The following CFAP97 variants were observed in gnomAD, a reference collection of about 807,000 sequenced individuals.
The protein encoded by CFAP97 is cilia and flagella associated protein 97.
Under a neutral mutation model 43.1 loss-of-function variants are expected in CFAP97, and 36 were observed. That is an observed-to-expected ratio of 0.84 (90% CI 0.64 to 1.10). CFAP97 has a LOEUF of 1.10. Among genes scored for constraint, CFAP97 ranks in the 50% least tolerant of loss-of-function variants. The pLI, the probability that CFAP97 is intolerant of heterozygous loss-of-function variation, is 0.00. For synonymous variants in CFAP97, 228 were observed against 225.7 expected (o/e 1.01, Z -0.09); for missense variants, 657 against 620.3 (o/e 1.06, Z -0.63).
intron 1 of CFAP97, 51 bp downstream of exon 1, chr4:185,203,847 T>G: frequency 6.6e-6 from 1 of 151,746 alleles, no homozygotes; most frequent in East Asian, 1.9e-4. Context: ...GAAAGGAGCG[T>G]GGCGGGCGCC....
At chr4:185,207,115 G>A (rs1248141775), upstream of CFAP97, among the ~76,000 whole-genome samples, 2 of 151,800 alleles carry the variant, frequency 1.3e-5, no homozygotes, top group Non-Finnish European at 2.9e-5. Context: ...TGACCCAGGG[G>A]CAATCTTCTT....
At chr4:185,175,695 A>G (rs1026335976) in intron 3 of CFAP97, 91 bp downstream of exon 3, 1 of 1,201,774 alleles carries the variant, frequency 8.3e-7, no homozygotes, top group Non-Finnish European at 1.2e-6. Context: ...TGAAGTTTGA[A>G]TATTTGGCTG....
upstream of CFAP97, among the ~76,000 whole-genome samples, chr4:185,204,842 C>T (rs919772883): frequency 6.6e-6 from 1 of 152,236 alleles, no homozygotes; most frequent in South Asian, 2.1e-4. Flanking sequence ...GAAACGGATT[C>T]TCTCCTGAAA....
upstream of CFAP97, among the ~76,000 whole-genome samples, chr4:185,208,756 T>A (rs1366604559): frequency 6.6e-6 from 1 of 151,562 alleles, no homozygotes; most frequent in Non-Finnish European, 1.5e-5. Flanking sequence ...AAAGAAAGAA[T>A]GAAATGCCCA....
intron 1 of CFAP97, among the ~76,000 whole-genome samples, chr4:185,192,622 T>C (rs923674402): frequency 7.9e-5 from 3 of 37,792 alleles, no homozygotes; most frequent in Admixed American, 3.0e-4. Flanking sequence ...AAAAAATGGT[T>C]TTTTTTATCT....
intron 1 of CFAP97, among the ~76,000 whole-genome samples, chr4:185,195,702 C>T (rs139678015): frequency 1.3e-5 from 2 of 152,200 alleles, no homozygotes; most frequent in East Asian, 1.9e-4. Context: ...TAGAGGCCTG[C>T]GATCTTGAGT....
chr4:185,196,499 ATAAGAG>A (rs1736553103), intron 1 of CFAP97, among the ~76,000 whole-genome samples: 2 of 151,882 alleles, frequency 1.3e-5, no homozygotes, highest in African/African-American at 4.8e-5. Context: ...ATTACATATT[ATAAGAG>A]TAAGTTTCAT....
intron 1 of CFAP97, among the ~76,000 whole-genome samples, chr4:185,202,624 C>A (rs974671608): frequency 2.0e-5 from 3 of 152,106 alleles, no homozygotes; most frequent in African/African-American, 7.2e-5. Flanking sequence ...TTCCCCCACC[C>A]CTCCGGAAGC....
At chr4:185,206,682 A>C (rs1374558320), upstream of CFAP97, among the ~76,000 whole-genome samples, 2 of 148,668 alleles carry the variant, frequency 1.3e-5, no homozygotes. Context: ...AAAAAAAAAA[A>C]GAATGGAAGA....
chr4:185,208,216 C>T (rs1737279340), upstream of CFAP97, among the ~76,000 whole-genome samples: 1 of 152,058 alleles, frequency 6.6e-6, no homozygotes, highest in East Asian at 2.0e-4. Context: ...TCAAGTTTCA[C>T]TATGTTGGCC....
chr4:185,198,130 T>C (rs1307949959), intron 1 of CFAP97, among the ~76,000 whole-genome samples: 1 of 152,088 alleles, frequency 6.6e-6, no homozygotes, highest in Non-Finnish European at 1.5e-5. Flanking sequence ...CCTGAGGCTG[T>C]CTCATAAGGT....
chr4:185,192,764 G>A lies in CFAP97; in HGVS notation c.-16-1552C>T, dbSNP rs1181460960. 8.3e-5 allele frequency among the ~76,000 whole-genome samples: 9 copies of A among 108,720 alleles called. No homozygotes were observed. The South Asian group carries it at 1.1e-3, about 14-fold the overall frequency. 71.3% of individuals were successfully genotyped at this position (108,720 alleles called of 152,430 possible). ...TTTTTTTTTTTTTTTTTTTTGAGACGGAGTCTCGCTCTGTCACCCAGGCTG... is the reference window on the plus strand; with the variant it reads ...TTTTTTTTTTTTTTTTTTTTGAGACAGAGTCTCGCTCTGTCACCCAGGCTG... On this transcript the variant is annotated intron_variant, in intron 1 of 4. Coordinates refer to ENST00000458385, the MANE Select transcript of CFAP97 (RefSeq NM_020827.3).
intron 1 of CFAP97, among the ~76,000 whole-genome samples, chr4:185,199,048 A>T (rs955407332): frequency 1.3e-5 from 2 of 152,144 alleles, no homozygotes; most frequent in African/African-American, 4.8e-5. Context: ...CTTTAAAATG[A>T]AGCCCGTGCT....
chr4:185,176,569 C>T lies in CFAP97; in HGVS notation c.1055-518G>A, dbSNP rs77199308. Among the ~76,000 whole-genome samples the T allele has an allele frequency of 2.9e-3, 443 of 152,248 alleles. 18 individuals are homozygous for T. The South Asian group carries it at 0.063, about 22-fold the overall frequency. On this transcript the variant is annotated intron_variant, in intron 2 of 4. Transcript: ENST00000458385. ...CCGGGTTCCTTGGGCATAAAAGCTA[C>T]ACACGAAACAATGAAAGTATCTTTA...
upstream of CFAP97, among the ~76,000 whole-genome samples, chr4:185,204,679 T>C (rs915699933): frequency 1.3e-5 from 2 of 152,186 alleles, no homozygotes; most frequent in Admixed American, 1.3e-4. Flanking sequence ...TAACCAGGAT[T>C]ATCCAGTGAA....
chr4:185,203,395 C>T (rs1460841805), intron 1 of CFAP97, among the ~76,000 whole-genome samples: 1 of 152,198 alleles, frequency 6.6e-6, no homozygotes, highest in African/African-American at 2.4e-5. Context: ...CAATACATTT[C>T]TGTAGTTAAA....
At chr4:185,185,005 TCAAA>T (rs1735953427) in intron 2 of CFAP97, among the ~76,000 whole-genome samples, 1 of 152,184 alleles carries the variant, frequency 6.6e-6, no homozygotes, top group Non-Finnish European at 1.5e-5. Flanking sequence ...TATGATTTAG[TCAAA>T]CAAGCCCATA....
At chr4:185,193,464 G>T (rs1736394165) in intron 1 of CFAP97, among the ~76,000 whole-genome samples, 1 of 152,060 alleles carries the variant, frequency 6.6e-6, no homozygotes, top group African/African-American at 2.4e-5. Context: ...GGCCAATATA[G>T]TGAAACCCCA....
intron 1 of CFAP97, among the ~76,000 whole-genome samples, chr4:185,197,076 G>A (rs1240885638): frequency 1.5e-5 from 2 of 137,494 alleles, no homozygotes; most frequent in Admixed American, 1.6e-4. Context: ...TCCATCCTGG[G>A]CAATAGAGCG....
Sources: allele counts gnomAD v4.1 joint callset (sites outside exome capture counted in the v4.1 genomes callset), GRCh38; gene constraint gnomAD v4.1.1; transcripts MANE v1.5; gene names NCBI Gene and HGNC (gene_info 2026-07-23, HGNC 2026-07-21).